Variants in PRKCH observed in about 807,000 individuals in gnomAD.
PRKCH encodes protein kinase C eta type.
PRKCH carries 28 observed loss-of-function variants against 82.5 expected under a neutral mutation model. The ratio of observed to expected loss-of-function variants is 0.34; its 90% CI spans 0.25 to 0.47. The LOEUF (loss-of-function observed/expected upper bound fraction) is 0.47. Among genes scored for constraint, PRKCH ranks in the 20% least tolerant of loss-of-function variants. The pLI, the probability that PRKCH is intolerant of heterozygous loss-of-function variation, is 1.00. For synonymous variants in PRKCH, 322 were observed against 327.4 expected, an observed-to-expected ratio of 0.98 and a Z score of 0.18; for missense variants, 705 against 881.8, an observed-to-expected ratio of 0.80 and a Z score of 2.54.
In PRKCH at chr14:61,449,174, TGTC is replaced by T. The variant is rs1259397984; in HGVS notation, c.628_630del (p.Val210del). On this transcript the variant is annotated inframe_deletion, in exon 5 of 14. Transcript: ENST00000332981. ...GATTTAATTTCCTAGTGTGCACCTG[TGTC>T]GTCCATAAACGCTGCCATCATCTAA... is the stretch of plus-strand genomic sequence containing the variant. 6.2e-7 allele frequency: 1 copy of T among 1,613,894 alleles called. No homozygotes were observed. The highest frequency in any genetic ancestry group is 8.5e-7 in the Non-Finnish European group (1 of 1,179,750).
chr14:61,287,417 G>A lies in PRKCH; in HGVS notation c.-19+99749G>A, dbSNP rs559835941. On this transcript the variant is annotated intron_variant, in intron 1 of 3. Transcript: ENST00000555185. ...GGAAAGAAGAGAGGGGGTTGACTCA[G>A]AAGTGAATTAGGGCCACGCCCGGTA... is the stretch of plus-strand genomic sequence containing the variant. Among the ~76,000 whole-genome samples the A allele has an allele frequency of 4.0e-5, 6 of 151,806 alleles. No individual in the cohort carries two copies. The East Asian group carries it at 1.2e-3, about 30-fold the overall frequency.
chr14:61,365,188 A>G (rs1037833106), intron 1 of PRKCH, among the ~76,000 whole-genome samples: 1 of 152,090 alleles, frequency 6.6e-6, no homozygotes, highest in African/African-American at 2.4e-5. Flanking sequence ...GTGTTTGAGA[A>G]CACAGTAGAT....
At chr14:61,337,399 A>G (rs1390551157) in intron 1 of PRKCH, among the ~76,000 whole-genome samples, 3 of 151,904 alleles carry the variant, frequency 2.0e-5, no homozygotes, top group South Asian at 2.1e-4. Context: ...TTTTTTTCCT[A>G]TGTGGACTCA....
At chr14:61,449,809 A>G (rs1272533059) in intron 5 of PRKCH, among the ~76,000 whole-genome samples, 1 of 151,998 alleles carries the variant, frequency 6.6e-6, no homozygotes, top group Non-Finnish European at 1.5e-5. Flanking sequence ...TCCTAAGTAA[A>G]AAGATTGCTG....
chr14:61,460,192 T>G (rs1380522710), intron 9 of PRKCH, among the ~76,000 whole-genome samples: 1 of 152,210 alleles, frequency 6.6e-6, no homozygotes, highest in Non-Finnish European at 1.5e-5. Context: ...TATTGGAAAT[T>G]GTTTTGTATT....
At chr14:61,191,597 T>C (rs1050665179) in intron 1 of PRKCH, among the ~76,000 whole-genome samples, 19 of 151,658 alleles carry the variant, frequency 1.3e-4, no homozygotes, top group African/African-American at 4.4e-4. Context: ...CTCTTGAAGC[T>C]GGGAGGCGGA....
chr14:61,407,988 C>T (rs2140227987), intron 2 of PRKCH, among the ~76,000 whole-genome samples: 1 of 152,358 alleles, frequency 6.6e-6, no homozygotes, highest in East Asian at 1.9e-4. Flanking sequence ...TCTGAATTCA[C>T]ACCTCTATGC....
At position 61,416,676 on chromosome 14, in the gene PRKCH, C is replaced by G. The variant is rs570564125; in HGVS notation, c.427+25388C>G. Among the ~76,000 whole-genome samples, 174 of 151,646 alleles carry G rather than the reference C, an allele frequency of 1.1e-3. 1 individual carries two copies. Among genetic ancestry groups the G allele is most frequent in the Non-Finnish European group, 1.7e-3 (117 of 67,992 alleles). ...CTTTCCTCTCCCCACCCCTGCTTCT[C>G]TCTCCTGTCCCTTTCCCCCTCCCCC... is the stretch of plus-strand genomic sequence containing the variant. On this transcript the variant is annotated intron_variant, in intron 2 of 13. Transcript: ENST00000332981.
At chr14:61,190,168 T>A (rs2044398100) in intron 1 of PRKCH, among the ~76,000 whole-genome samples, 1 of 152,140 alleles carries the variant, frequency 6.6e-6, no homozygotes. Flanking sequence ...TAGAATACAC[T>A]CAATGGGGAC....
intron 1 of PRKCH, chr14:61,281,252 G>C (rs1227673042): frequency 3.1e-6 from 2 of 651,952 alleles, no homozygotes; most frequent in African/African-American, 1.9e-5. Context: ...CGCGGGTCGG[G>C]TTTCCCGCCA....
chr14:61,543,725 C>T (rs2043217199), intron 12 of PRKCH: 1 of 152,176 alleles, frequency 6.6e-6, no homozygotes, highest in Non-Finnish European at 1.5e-5. Context: ...TGTTAACTTA[C>T]TGGCATTTGG....
intron 10 of PRKCH, among the ~76,000 whole-genome samples, chr14:61,497,621 G>T (rs1424586175): frequency 1.3e-5 from 2 of 152,110 alleles, no homozygotes; most frequent in African/African-American, 2.4e-5. Context: ...AGTTTTTAGT[G>T]CCCCTTTCAG....
chr14:61,481,343 C>T (rs1367898058), intron 9 of PRKCH, among the ~76,000 whole-genome samples: 4 of 152,082 alleles, frequency 2.6e-5, no homozygotes, highest in Non-Finnish European at 1.5e-5. Flanking sequence ...CAGAGCCAGC[C>T]GATTTTCACT....
chr14:61,459,388 C>G (rs749190417), intron 9 of PRKCH, among the ~76,000 whole-genome samples: 7 of 152,304 alleles, frequency 4.6e-5, no homozygotes, highest in Non-Finnish European at 8.8e-5. Flanking sequence ...CATACAGGGT[C>G]AACAGCACAC....
At position 61,270,401 on chromosome 14, in the gene PRKCH, G is replaced by A. The variant is rs531400468; in HGVS notation, c.-19+82733G>A. ...AAAGCCATCTCTCCACGCTAGCAGT[G>A]GCCAGGATTTTTCCTCCCTCATACA... On this transcript the variant is annotated intron_variant, in intron 1 of 3. Coordinates refer to the PRKCH transcript ENST00000555185. 5.7e-4 allele frequency among the ~76,000 whole-genome samples: 87 copies of A among 152,236 alleles called. 1 individual carries two copies. Among genetic ancestry groups the A allele is most frequent in the South Asian group, 2.1e-3 (10 of 4,816 alleles).
rs2043306992 is a variant in PRKCH at position 61,550,003 on chromosome 14, T to C, written c.*172T>C. On this transcript the variant is annotated 3_prime_UTR_variant, in exon 14 of 14. Coordinates refer to ENST00000332981, the MANE Select transcript of PRKCH (RefSeq NM_006255.5). ...ACTTTCAGATATCAACTATTTAGAG[T>C]CCAGAGGGAGCCATGGCACTAGAAA... The C allele has an allele frequency of 1.6e-6, 1 of 635,720 alleles. No homozygotes were observed. The highest frequency in any genetic ancestry group is 1.8e-5 in the African/African-American group (1 of 54,992). 39.4% of individuals were successfully genotyped at this position (635,720 alleles called of 1,614,324 possible).
chr14:61,418,397 G>T (rs946941915), intron 2 of PRKCH, among the ~76,000 whole-genome samples: 5 of 152,212 alleles, frequency 3.3e-5, no homozygotes. Flanking sequence ...AGCACGATGT[G>T]TAATGATTAA....
chr14:61,369,742 G>A (rs2046341642), intron 1 of PRKCH, among the ~76,000 whole-genome samples: 1 of 151,846 alleles, frequency 6.6e-6, no homozygotes, highest in Non-Finnish European at 1.5e-5. Flanking sequence ...ATTAGTTATG[G>A]GAGTAGATTC....
chr14:61,447,417 T>C (rs1032986561), intron 4 of PRKCH, among the ~76,000 whole-genome samples: 2 of 152,214 alleles, frequency 1.3e-5, no homozygotes, highest in African/African-American at 4.8e-5. Flanking sequence ...ATATAGGTGA[T>C]CTAAACAGCA....
Sources: allele counts gnomAD v4.1 joint callset (sites outside exome capture counted in the v4.1 genomes callset), GRCh38; gene constraint gnomAD v4.1.1; transcripts MANE v1.5; gene names NCBI Gene and HGNC (gene_info 2026-07-23, HGNC 2026-07-21).